The following NEBL variants were observed in gnomAD, a reference collection of about 807,000 sequenced individuals.
The protein encoded by NEBL is nebulette.
NEBL carries 122 observed loss-of-function variants against 140.2 expected under a neutral mutation model. The ratio of observed to expected loss-of-function variants is 0.87; its 90% CI spans 0.75 to 1.01. The LOEUF is 1.01. Among genes scored for constraint, NEBL ranks in the 50% least tolerant of loss-of-function variants. The pLI, the probability that NEBL is intolerant of heterozygous loss-of-function variation, is 0.00. For synonymous variants in NEBL, 436 were observed against 398.9 expected (o/e 1.09, Z -1.11); for missense variants, 1,365 against 1,231.3 (o/e 1.11, Z -1.62).
Position 20,808,520 on chromosome 10 carries a change from A to G in NEBL, c.2751T>C (p.Ser917=), listed in dbSNP as rs758699335. 2 of 1,613,990 alleles carry G rather than the reference A, an allele frequency of 1.2e-6. No homozygotes were observed. The highest frequency in any genetic ancestry group is 2.2e-5 in the South Asian group (2 of 91,082). The change falls in exon 26 of 28, where the codon TCT becomes TCC. Residue 917 remains serine (S), a synonymous_variant. Transcript: ENST00000377122. ...FSCCSEVTRP[S]DEGAPVLPGA... ...GTGAATGTTTGATACCTCCTTCATC[A>G]GACGGTCTTGTTACCTCACTGCAGC...
chr10:20,845,388 A>AGGATGGGAGGAGCC lies in NEBL; in HGVS notation c.1117-21_1117-20insGGCTCCTCCCATCC. 7.2e-7 allele frequency: 1 copy of AGGATGGGAGGAGCC among 1,395,532 alleles called. No individual in the cohort carries two copies. Among genetic ancestry groups the AGGATGGGAGGAGCC allele is most frequent in the East Asian group, 2.3e-5 (1 of 43,742 alleles). 86.4% of individuals were successfully genotyped at this position (1,395,532 alleles called of 1,614,324 possible). Reference sequence around the variant, plus strand: ...AACTTTCTGTTAAATAAGACCACATAATTTTAAAGTTAGCAAATATCAGTG... The same window carrying AGGATGGGAGGAGCC: ...AACTTTCTGTTAAATAAGACCACATAGGATGGGAGGAGCCATTTTAAAGTTAGCAAATATCAGTG... On this transcript the variant is annotated intron_variant, in intron 11 of 27. Coordinates refer to ENST00000377122, the MANE Select transcript of NEBL (RefSeq NM_006393.3).
At chr10:20,913,126 C>T (rs1039351918) in intron 4 of NEBL, among the ~76,000 whole-genome samples, 2 of 152,068 alleles carry the variant, frequency 1.3e-5, no homozygotes, top group African/African-American at 4.8e-5. Flanking sequence ...TGAAATAGAA[C>T]ATCCAGGTGG....
intron 2 of NEBL, among the ~76,000 whole-genome samples, chr10:21,153,329 A>AT (rs57789027): frequency 0.069 from 10,420 of 150,890 alleles, 1,012 homozygotes; most frequent in African/African-American, 0.21. Flanking sequence ...TTATAAATTA[A>AT]TTTTTTTTTA....
At chr10:21,133,820 G>A (rs1328023688) in intron 2 of NEBL, among the ~76,000 whole-genome samples, 5 of 152,256 alleles carry the variant, frequency 3.3e-5, no homozygotes, top group South Asian at 2.1e-4. Context: ...CCTCAAATCC[G>A]AGAACCTTAA....
chr10:20,900,016 T>C (rs550949213), upstream of NEBL, among the ~76,000 whole-genome samples: 1 of 152,330 alleles, frequency 6.6e-6, no homozygotes, highest in East Asian at 1.9e-4. Flanking sequence ...AAATATGACA[T>C]GGAGAATATG....
intron 4 of NEBL, among the ~76,000 whole-genome samples, chr10:20,884,412 C>T (rs1846283536): frequency 6.6e-6 from 1 of 152,020 alleles, no homozygotes; most frequent in South Asian, 2.1e-4. Context: ...TCACAGATGC[C>T]CTGAAGCTTC....
At chr10:21,046,623 C>G (rs1032624095) in intron 2 of NEBL, among the ~76,000 whole-genome samples, 2 of 151,974 alleles carry the variant, frequency 1.3e-5, no homozygotes, top group Non-Finnish European at 2.9e-5. Context: ...GTTTTTGAGA[C>G]GGAGTGTGAC....
rs546693227 is a variant in NEBL at position 21,267,365 on chromosome 10, C to T, written n.183-15537G>A. On this transcript the variant is annotated intron_variant and non_coding_transcript_variant, in intron 1 of 8. Coordinates refer to the NEBL transcript ENST00000675702. Reference sequence around the variant, plus strand: ...CTGACCTCAAGTGATCTGCCCACCTCGGCCTCCCAAAGTGCTGGGATTACA... The same window carrying T: ...CTGACCTCAAGTGATCTGCCCACCTTGGCCTCCCAAAGTGCTGGGATTACA... 5.3e-5 allele frequency among the ~76,000 whole-genome samples: 8 copies of T among 152,272 alleles called. No individual in the cohort carries two copies. The South Asian group carries it at 1.7e-3, about 32-fold the overall frequency.
intron 1 of NEBL, among the ~76,000 whole-genome samples, chr10:21,288,768 A>AAAAAAAAAGAAAAAG (rs1554836841): frequency 5.9e-5 from 7 of 118,960 alleles, no homozygotes; most frequent in Non-Finnish European, 1.0e-4. Context: ...GCCAAAAAAA[A>AAAAAAAAAGAAAAAG]AAAAAAGAAA....
At chr10:21,209,229 C>G (rs1432188048) in intron 3 of NEBL, among the ~76,000 whole-genome samples, 3 of 152,176 alleles carry the variant, frequency 2.0e-5, no homozygotes, top group Non-Finnish European at 4.4e-5. Context: ...TTTCTGGAAG[C>G]CCCCCTCTCA....
intron 2 of NEBL, among the ~76,000 whole-genome samples, chr10:21,140,021 C>T (rs969194851): frequency 6.7e-6 from 1 of 150,022 alleles, no homozygotes; most frequent in African/African-American, 2.5e-5. Context: ...AAAAATTAGG[C>T]GTGGTTTCAG....
At chr10:20,958,693 C>G in intron 4 of NEBL, among the ~76,000 whole-genome samples, 1 of 152,148 alleles carries the variant, frequency 6.6e-6, no homozygotes, top group East Asian at 1.9e-4. Flanking sequence ...TTAGTCAATT[C>G]TGAAATACTG....
intron 1 of NEBL, among the ~76,000 whole-genome samples, chr10:21,277,212 T>TA (rs1043875351): frequency 6.7e-6 from 1 of 149,414 alleles, no homozygotes; most frequent in Non-Finnish European, 1.5e-5. Context: ...TTCTTTCTTT[T>TA]TTTTTTTTTT....
At chr10:21,015,873 C>T (rs1838535879) in intron 3 of NEBL, among the ~76,000 whole-genome samples, 1 of 152,168 alleles carries the variant, frequency 6.6e-6, no homozygotes, top group Non-Finnish European at 1.5e-5. Flanking sequence ...TAGGGATCAC[C>T]TAATTTACAA....
chr10:20,888,422 C>A (rs1399807345), intron 3 of NEBL, among the ~76,000 whole-genome samples: 2 of 152,176 alleles, frequency 1.3e-5, no homozygotes, highest in Non-Finnish European at 2.9e-5. Flanking sequence ...TTCAATGAGA[C>A]ATGCAAGGAC....
At chr10:20,902,502 G>A (rs987502569) in intron 4 of NEBL, among the ~76,000 whole-genome samples, 1 of 152,152 alleles carries the variant, frequency 6.6e-6, no homozygotes, top group Non-Finnish European at 1.5e-5. Flanking sequence ...ATAGTTAGAT[G>A]GATGTTGGAG....
intron 2 of NEBL, chr10:21,113,290 T>TAAAAAAAAAAAAAAAAAAAAAAA (rs56366013): frequency 2.2e-4 from 27 of 124,036 alleles, no homozygotes; most frequent in East Asian, 4.0e-4. Flanking sequence ...ATGAGAATCC[T>TAAAAAAAAAAAAAAAAAAAAAAA]AAAAAAAAAA....
At chr10:20,837,655 G>GA (rs1259797116) in intron 13 of NEBL, among the ~76,000 whole-genome samples, 12 of 152,258 alleles carry the variant, frequency 7.9e-5, no homozygotes, top group Admixed American at 3.3e-4. Flanking sequence ...CCTTCTATTG[G>GA]AAAAAGATGC....
chr10:20,924,357 G>A (rs1833759738), intron 4 of NEBL, among the ~76,000 whole-genome samples: 1 of 125,162 alleles, frequency 8.0e-6, no homozygotes, highest in Admixed American at 1.0e-4. Flanking sequence ...CACACCTTAA[G>A]TTACCGATTT....
Sources: allele counts gnomAD v4.1 joint callset (sites outside exome capture counted in the v4.1 genomes callset), GRCh38; gene constraint gnomAD v4.1.1; transcripts MANE v1.5; gene names NCBI Gene and HGNC (gene_info 2026-07-23, HGNC 2026-07-21).